The following SPAG16 variants were observed in gnomAD, a reference collection of about 807,000 sequenced individuals.
The protein encoded by SPAG16 is sperm-associated antigen 16 protein.
In SPAG16, 86 loss-of-function variants were observed where a neutral mutation model predicts 80.4. That is an observed-to-expected ratio of 1.07 (90% CI 0.90 to 1.28). SPAG16 has a LOEUF of 1.28. Among genes scored for constraint, SPAG16 ranks in the 50% most tolerant of loss-of-function variants. The pLI, the probability that SPAG16 is intolerant of heterozygous loss-of-function variation, is 0.00. For synonymous variants in SPAG16, 294 were observed against 265.9 expected (o/e 1.11, Z -1.03); for missense variants, 870 against 765.3 (o/e 1.14, Z -1.61).
chr2:214,141,914 T>C (rs1314051410), intron 14 of SPAG16, among the ~76,000 whole-genome samples: 1 of 152,180 alleles, frequency 6.6e-6, no homozygotes, highest in East Asian at 1.9e-4. Flanking sequence ...GTCTTGATAT[T>C]ATATTTTTCT....
intron 10 of SPAG16, among the ~76,000 whole-genome samples, chr2:213,615,723 T>C (rs2061571565): frequency 6.6e-6 from 1 of 152,224 alleles, no homozygotes; most frequent in South Asian, 2.1e-4. Flanking sequence ...TATTTAACGT[T>C]AGATAATATT....
intron 11 of SPAG16, among the ~76,000 whole-genome samples, chr2:213,923,330 G>C (rs1425469098): frequency 6.6e-6 from 1 of 152,166 alleles, no homozygotes; most frequent in African/African-American, 2.4e-5. Flanking sequence ...GCCAGTGGCA[G>C]TGTCAGGCAG....
intron 15 of SPAG16, among the ~76,000 whole-genome samples, chr2:214,373,884 A>AT (rs1395476370): frequency 1.3e-5 from 2 of 152,246 alleles, no homozygotes; most frequent in Non-Finnish European, 2.9e-5. Context: ...ACTAAAGATC[A>AT]TTTAGCAACA....
chr2:213,760,783 T>C (rs145344491), intron 10 of SPAG16, among the ~76,000 whole-genome samples: 1 of 152,218 alleles, frequency 6.6e-6, no homozygotes, highest in African/African-American at 2.4e-5. Context: ...AAAATGTTTT[T>C]TCCTCACAGT....
intron 15 of SPAG16, among the ~76,000 whole-genome samples, chr2:214,149,513 G>A (rs2055870617): frequency 6.6e-6 from 1 of 151,998 alleles, no homozygotes; most frequent in Non-Finnish European, 1.5e-5. Context: ...AGATAGCATA[G>A]GTTTGTTAGC....
At chr2:213,355,356 T>G (rs1453256493) in intron 7 of SPAG16, among the ~76,000 whole-genome samples, 1 of 132,586 alleles carries the variant, frequency 7.5e-6, no homozygotes, top group Admixed American at 8.3e-5. Flanking sequence ...GGCTCTTTTT[T>G]GGTTCCATAT....
intron 12 of SPAG16, among the ~76,000 whole-genome samples, chr2:213,964,543 A>C (rs1055227801): frequency 1.2e-4 from 18 of 152,120 alleles, no homozygotes; most frequent in African/African-American, 4.3e-4. Context: ...CACTTTGACT[A>C]TGCCATATAT....
intron 13 of SPAG16, among the ~76,000 whole-genome samples, chr2:214,034,688 T>A (rs1037733974): frequency 6.6e-6 from 1 of 152,196 alleles, no homozygotes; most frequent in African/African-American, 2.4e-5. Context: ...TGAAAGCAGC[T>A]TCCACAGCTG....
intron 10 of SPAG16, among the ~76,000 whole-genome samples, chr2:213,652,762 C>T (rs1286997202): frequency 6.6e-6 from 1 of 152,068 alleles, no homozygotes; most frequent in African/African-American, 2.4e-5. Context: ...GATACAAGTT[C>T]TTTGTGAGAT....
chr2:213,869,285 A>ACT (rs1403885787), intron 11 of SPAG16, among the ~76,000 whole-genome samples: 1 of 25,598 alleles, frequency 3.9e-5, no homozygotes, highest in South Asian at 8.8e-3. Context: ...ATATATGTAT[A>ACT]TATATATGTA....
intron 9 of SPAG16, among the ~76,000 whole-genome samples, chr2:213,414,797 G>A (rs1462970756): frequency 6.6e-6 from 1 of 152,184 alleles, no homozygotes; most frequent in African/African-American, 2.4e-5. Flanking sequence ...AATGATAAAT[G>A]AGGACTTAAA....
At chr2:213,288,378 C>G (rs992447711) in intron 1 of SPAG16, among the ~76,000 whole-genome samples, 12 of 152,168 alleles carry the variant, frequency 7.9e-5, no homozygotes, top group African/African-American at 2.9e-4. Context: ...GATCTCGGCT[C>G]ACTGCAAGCT....
At chr2:214,251,749 A>G (rs975020006) in intron 15 of SPAG16, among the ~76,000 whole-genome samples, 4 of 152,158 alleles carry the variant, frequency 2.6e-5, no homozygotes, top group African/African-American at 9.6e-5. Flanking sequence ...TGCCTCAGAC[A>G]TGTTCCACTA....
At chr2:214,332,104 T>TAAC (rs1696955938) in intron 15 of SPAG16, among the ~76,000 whole-genome samples, 1 of 152,042 alleles carries the variant, frequency 6.6e-6, no homozygotes, top group East Asian at 1.9e-4. Context: ...ATACAAAAAT[T>TAAC]AACTGGGCAT....
chr2:214,285,631 A>G (rs1465387246), intron 15 of SPAG16, among the ~76,000 whole-genome samples: 1 of 151,970 alleles, frequency 6.6e-6, no homozygotes, highest in Non-Finnish European at 1.5e-5. Context: ...ATGAAACCCC[A>G]TCTCTACTAA....
intron 12 of SPAG16, among the ~76,000 whole-genome samples, chr2:213,956,791 C>T (rs2106339369): frequency 6.6e-6 from 1 of 152,182 alleles, no homozygotes; most frequent in East Asian, 1.9e-4. Context: ...AATTTTTCCC[C>T]TTAGCATGGC....
At chr2:214,262,024 C>A (rs572178651) in intron 15 of SPAG16, among the ~76,000 whole-genome samples, 10 of 152,072 alleles carry the variant, frequency 6.6e-5, no homozygotes, top group African/African-American at 1.7e-4. Context: ...GTCCTTTAGA[C>A]CTTACAGTTT....
intron 9 of SPAG16, among the ~76,000 whole-genome samples, chr2:213,489,172 T>G (rs12614799): frequency 3.4e-4 from 52 of 152,218 alleles, no homozygotes; most frequent in Admixed American, 1.9e-3. Flanking sequence ...ATTCATGATA[T>G]GAGCCTTCTC....
chr2:213,398,161 GCTCT>G (rs1215956448), intron 9 of SPAG16, among the ~76,000 whole-genome samples: 2 of 147,452 alleles, frequency 1.4e-5, no homozygotes, highest in African/African-American at 2.6e-5. Context: ...TAGCACTTTT[GCTCT>G]CTGTTTTTTT....
Sources: allele counts gnomAD v4.1 joint callset (sites outside exome capture counted in the v4.1 genomes callset), GRCh38; gene constraint gnomAD v4.1.1; transcripts MANE v1.5; gene names NCBI Gene and HGNC (gene_info 2026-07-23, HGNC 2026-07-21).